Variants in UTRN observed in about 807,000 individuals in gnomAD.
UTRN encodes utrophin, also known as dystrophin-related protein 1.
A neutral mutation model predicts 463.9 loss-of-function variants in UTRN; 283 were observed. The observed-to-expected ratio is 0.61, with a 90% CI of 0.55 to 0.67. UTRN has a LOEUF of 0.67. Among genes scored for constraint, UTRN ranks in the 30% least tolerant of loss-of-function variants. The pLI, the probability that UTRN is intolerant of heterozygous loss-of-function variation, is 0.00. For synonymous variants in UTRN, 1,442 were observed against 1,431.5 expected, an observed-to-expected ratio of 1.01 and a Z score of -0.17; for missense variants, 3,922 against 4,084.3, an observed-to-expected ratio of 0.96 and a Z score of 1.08.
At chr6:144,752,016 A>G (rs1231696657) in intron 56 of UTRN, 64 bp downstream of exon 56, 3 of 1,437,300 alleles carry the variant, frequency 2.1e-6, no homozygotes, top group South Asian at 3.1e-5. Context: ...ACCCTACCTC[A>G]CTATATTACC....
chr6:144,473,387 C>A (rs939451630), intron 23 of UTRN, among the ~76,000 whole-genome samples: 22 of 152,072 alleles, frequency 1.4e-4, no homozygotes, highest in Admixed American at 1.2e-3. Context: ...TATATCAGAG[C>A]AAAATATTTT....
intron 2 of UTRN, among the ~76,000 whole-genome samples, chr6:144,315,906 C>T (rs1775253307): frequency 6.6e-6 from 1 of 152,194 alleles, no homozygotes; most frequent in Non-Finnish European, 1.5e-5. Context: ...GCGCTGTGAA[C>T]TGCTGAAGGT....
At chr6:144,383,537 G>T (rs1781123475) in intron 2 of UTRN, among the ~76,000 whole-genome samples, 2 of 152,208 alleles carry the variant, frequency 1.3e-5, no homozygotes, top group South Asian at 4.1e-4. Flanking sequence ...GTTCATGCCA[G>T]CCAAGTCTGT....
At chr6:144,330,832 CCT>C in intron 2 of UTRN, 1 of 985,436 alleles carries the variant, frequency 1.0e-6, no homozygotes. Flanking sequence ...ACTGTTTGGC[CCT>C]GTTTTTCAAT....
At chr6:144,548,911 G>C in intron 47 of UTRN, 57 bp downstream of exon 47, 1 of 1,540,654 alleles carries the variant, frequency 6.5e-7, no homozygotes, top group Non-Finnish European at 8.8e-7. Flanking sequence ...AGGTAGACCA[G>C]ATCTGTTTGA....
intron 23 of UTRN, among the ~76,000 whole-genome samples, chr6:144,464,351 G>T (rs569572825): frequency 8.1e-4 from 123 of 151,762 alleles, no homozygotes; most frequent in African/African-American, 2.9e-3. Context: ...TGGAGGGGTT[G>T]TGTGTGTGTG....
chr6:144,394,024 A>G (rs549563909), intron 2 of UTRN, among the ~76,000 whole-genome samples: 1 of 152,260 alleles, frequency 6.6e-6, no homozygotes, highest in East Asian at 1.9e-4. Context: ...GGTCTTGTCT[A>G]TCTCAAGGTG....
chr6:144,633,580 T>C (rs1455254827), intron 51 of UTRN, among the ~76,000 whole-genome samples: 1 of 152,234 alleles, frequency 6.6e-6, no homozygotes, highest in East Asian at 1.9e-4. Context: ...AAGTGTGGCA[T>C]TGAATGATGT....
chr6:144,579,775 C>CT (rs776499327), intron 51 of UTRN, among the ~76,000 whole-genome samples: 23 of 152,080 alleles, frequency 1.5e-4, no homozygotes, highest in Non-Finnish European at 3.1e-4. Flanking sequence ...AAAATAGTCT[C>CT]TTTTGGCTGG....
intron 2 of UTRN, among the ~76,000 whole-genome samples, chr6:144,323,648 T>C (rs1454487711): frequency 5.3e-5 from 8 of 152,300 alleles, no homozygotes; most frequent in Non-Finnish European, 8.8e-5. Context: ...TTAAAATTTC[T>C]CTCTTTCTCT....
Position 144,441,699 on chromosome 6 carries a change from A to C in UTRN, c.1512+1228A>C, listed in dbSNP as rs549771519. 1.9e-4 allele frequency among the ~76,000 whole-genome samples: 29 copies of C among 152,258 alleles called. No individual in the cohort carries two copies. In the East Asian group the frequency reaches 4.6e-3, roughly 24 times the overall value. ...ACAGTAGGGACTCTGTTTGGGCCAC[A>C]TTTCCCTTCTGCACTGCCCTAGCAG... is the stretch of plus-strand genomic sequence containing the variant. On this transcript the variant is annotated intron_variant, in intron 13 of 74. Coordinates refer to ENST00000367545, the MANE Select transcript of UTRN (RefSeq NM_007124.3).
chr6:144,557,025 GC>G (rs1562569690), intron 49 of UTRN, 131 bp from the exon 50 acceptor site: 2 of 1,132,276 alleles, frequency 1.8e-6, no homozygotes, highest in Non-Finnish European at 2.4e-6. Flanking sequence ...AAAAGGGTTT[GC>G]CCCCAGTCTG....
At chr6:144,656,924 G>T (rs954690521) in intron 51 of UTRN, among the ~76,000 whole-genome samples, 12 of 152,008 alleles carry the variant, frequency 7.9e-5, no homozygotes, top group African/African-American at 2.9e-4. Context: ...TTTTGAATAT[G>T]GATCCACTGA....
At position 144,287,096 on chromosome 6, in the gene UTRN, C is replaced by T. The variant is rs976389565; in HGVS notation, c.-93+1275C>T. ...GTTGCACCGGCCTCAGGAAGTCGAT[C>T]TGGGCCCTCCCGGTTCGTTGGCGGT... On this transcript the variant is annotated intron_variant, in intron 1 of 74. Transcript: ENST00000367545. 3.9e-5 allele frequency among the ~76,000 whole-genome samples: 6 copies of T among 152,206 alleles called. No individual in the cohort carries two copies. In the South Asian group the frequency reaches 1.2e-3, roughly 32 times the overall value.
chr6:144,732,636 T>A (rs1047424426), intron 54 of UTRN, among the ~76,000 whole-genome samples: 3 of 151,002 alleles, frequency 2.0e-5, no homozygotes, highest in Non-Finnish European at 4.4e-5. Flanking sequence ...AGCATGACAT[T>A]TATTGTTTCA....
At position 144,426,394 on chromosome 6, in the gene UTRN, C is replaced by A. The variant is rs36000065; in HGVS notation, c.513C>A (p.Asn171Lys). The A allele has an allele frequency of 1.2e-6, 2 of 1,613,968 alleles. No homozygotes were observed. The highest frequency in any genetic ancestry group is 2.7e-5 in the African/African-American group (2 of 74,862). The part of the protein sequence containing the change: ...RQTTRPYSQV[N>K]VLNFTTSWTD... ...CCACCAGGCCCTACAGCCAAGTCAACGTCCTCAACTTCACCACCAGCTGGA... is the reference window on the plus strand; with the variant it reads ...CCACCAGGCCCTACAGCCAAGTCAAAGTCCTCAACTTCACCACCAGCTGGA... The change falls in exon 7 of 75, where the codon AAC (asparagine) becomes AAA (lysine). Residue 171 changes from asparagine (N) to lysine (K), a missense_variant. Around this residue, in one of 3 missense-constraint regions of UTRN, gnomAD observed 264 missense variants for 327.9 expected, o/e 0.81. Coordinates refer to ENST00000367545, the MANE Select transcript of UTRN (RefSeq NM_007124.3).
At chr6:144,426,529 C>G in intron 7 of UTRN, 70 bp downstream of exon 7, 1 of 1,465,854 alleles carries the variant, frequency 6.8e-7, no homozygotes, top group Non-Finnish European at 9.2e-7. Flanking sequence ...TTGCTGCCAC[C>G]ACTACTCCCT....
intron 2 of UTRN, among the ~76,000 whole-genome samples, chr6:144,312,814 G>A (rs2114562332): frequency 6.6e-6 from 1 of 152,178 alleles, no homozygotes; most frequent in African/African-American, 2.4e-5. Context: ...TACTTGCTGA[G>A]GCTGGATATT....
At chr6:144,756,751 C>G (rs1004354934) in intron 57 of UTRN, among the ~76,000 whole-genome samples, 3 of 152,004 alleles carry the variant, frequency 2.0e-5, no homozygotes, top group Non-Finnish European at 4.4e-5. Flanking sequence ...GAGTGCTTGC[C>G]TTTTATAAAG....
Sources: allele counts gnomAD v4.1 joint callset (sites outside exome capture counted in the v4.1 genomes callset), GRCh38; gene constraint gnomAD v4.1.1; regional missense constraint gnomAD v4.1.1; transcripts MANE v1.5; gene names NCBI Gene and HGNC (gene_info 2026-07-23, HGNC 2026-07-21).